The following CCBE1 variants were observed in gnomAD, a reference collection of about 807,000 sequenced individuals.
CCBE1 encodes collagen and calcium binding EGF domains 1, also known as collagen and calcium-binding EGF domain-containing protein 1.
CCBE1 carries 37 observed loss-of-function variants against 50.0 expected under a neutral mutation model. That is an observed-to-expected ratio of 0.74 (90% CI 0.57 to 0.97). The LOEUF (loss-of-function observed/expected upper bound fraction) is 0.97, where lower values mean the gene tolerates loss of function less well. CCBE1 is among the 50% of genes least tolerant of loss of function. CCBE1 has a pLI of 0.00. For synonymous variants in CCBE1, 234 were observed against 203.7 expected, an observed-to-expected ratio of 1.15 and a Z score of -1.27; for missense variants, 538 against 523.8, an observed-to-expected ratio of 1.03 and a Z score of -0.26.
At chr18:59,567,171 T>A (rs2052843490) in intron 2 of CCBE1, among the ~76,000 whole-genome samples, 1 of 152,156 alleles carries the variant, frequency 6.6e-6, no homozygotes, top group Non-Finnish European at 1.5e-5. Flanking sequence ...AAGGCTGGAG[T>A]GCAGTGGTGT....
chr18:59,697,160 C>G, intron 1 of CCBE1, 52 bp downstream of exon 1: 1 of 1,545,970 alleles, frequency 6.5e-7, no homozygotes, highest in Non-Finnish European at 8.7e-7. Flanking sequence ...CCCCGCGAGC[C>G]GGGCGCGCAT....
chr18:59,516,438 C>T (rs2144312940), intron 2 of CCBE1, among the ~76,000 whole-genome samples: 1 of 152,242 alleles, frequency 6.6e-6, no homozygotes, highest in Non-Finnish European at 1.5e-5. Context: ...ATGAGAAGGG[C>T]CAGCAAATAT....
chr18:59,545,588 G>A (rs1915650274), intron 2 of CCBE1, among the ~76,000 whole-genome samples: 1 of 152,032 alleles, frequency 6.6e-6, no homozygotes, highest in African/African-American at 2.4e-5. Flanking sequence ...CTAGTTTATT[G>A]CAATTACAAA....
intron 2 of CCBE1, among the ~76,000 whole-genome samples, chr18:59,515,674 T>C (rs562237729): frequency 9.8e-4 from 150 of 152,332 alleles, no homozygotes; most frequent in African/African-American, 3.5e-3. Flanking sequence ...GGCTCTATGT[T>C]GCTCCCCTCT....
At chr18:59,576,379 G>A (rs546641774) in intron 2 of CCBE1, among the ~76,000 whole-genome samples, 1 of 152,294 alleles carries the variant, frequency 6.6e-6, no homozygotes, top group Non-Finnish European at 1.5e-5. Flanking sequence ...CATTCAGATG[G>A]CTGTTTTTAA....
chr18:59,543,845 A>AAAAAG lies in CCBE1; in HGVS notation c.213-63608_213-63607insCTTTT, dbSNP rs1482088881. 9.6e-4 allele frequency among the ~76,000 whole-genome samples: 141 copies of AAAAAG among 147,034 alleles called. 2 individuals carry two copies. Among genetic ancestry groups the AAAAAG allele is most frequent in the Middle Eastern group, 3.5e-3 (1 of 288 alleles). On this transcript the variant is annotated intron_variant, in intron 2 of 10. Coordinates refer to ENST00000439986, the MANE Select transcript of CCBE1 (RefSeq NM_133459.4). ...GCGAGACTCCGTCTCAAAAAAAAAA[A>AAAAAG]AAAAAAAAAAAAACAGAAAACACTA...
chr18:59,504,380 CTTCCT>C (rs1913770683), intron 2 of CCBE1, among the ~76,000 whole-genome samples: 1 of 117,376 alleles, frequency 8.5e-6, no homozygotes, highest in African/African-American at 3.7e-5. Context: ...CCTAGAATGT[CTTCCT>C]TTTTTTTTTT....
At position 59,548,071 on chromosome 18, in the gene CCBE1, G is replaced by T. The variant is rs112887737; in HGVS notation, c.213-67833C>A. Among the ~76,000 whole-genome samples, 894 of 152,310 alleles carry T rather than the reference G, an allele frequency of 5.9e-3. 13 individuals carry two copies. Among genetic ancestry groups the T allele is most frequent in the African/African-American group, 0.021 (856 of 41,556 alleles). ...TGGTCACAGTGCCATCACGTGATGTGAACTATCTGCTGGATGAAATGTTCA... is the reference window on the plus strand; with the variant it reads ...TGGTCACAGTGCCATCACGTGATGTTAACTATCTGCTGGATGAAATGTTCA... On this transcript the variant is annotated intron_variant, in intron 2 of 10. Coordinates refer to ENST00000439986, the MANE Select transcript of CCBE1 (RefSeq NM_133459.4).
intron 2 of CCBE1, among the ~76,000 whole-genome samples, chr18:59,527,460 C>T (rs1012691401): frequency 4.6e-5 from 7 of 152,114 alleles, no homozygotes; most frequent in African/African-American, 1.4e-4. Flanking sequence ...GCTTGCCATT[C>T]TGTGTCTTTT....
At chr18:59,456,866 T>C (rs545893191) in intron 5 of CCBE1, among the ~76,000 whole-genome samples, 37 of 152,314 alleles carry the variant, frequency 2.4e-4, no homozygotes, top group Middle Eastern at 3.4e-3. Context: ...ACTGTGCACC[T>C]TCAGCACAGC....
chr18:59,683,257 C>T (rs1234003895), intron 2 of CCBE1, among the ~76,000 whole-genome samples: 1 of 152,320 alleles, frequency 6.6e-6, no homozygotes, highest in South Asian at 2.1e-4. Context: ...GCAGACATCA[C>T]CTCAATGACA....
intron 2 of CCBE1, among the ~76,000 whole-genome samples, chr18:59,504,317 C>T (rs998880433): frequency 6.6e-6 from 1 of 151,952 alleles, no homozygotes; most frequent in African/African-American, 2.4e-5. Flanking sequence ...TTTATTCCAC[C>T]CAAAAGTATT....
chr18:59,657,044 G>C (rs2054200609), intron 2 of CCBE1, among the ~76,000 whole-genome samples: 1 of 152,232 alleles, frequency 6.6e-6, no homozygotes, highest in South Asian at 2.1e-4. Flanking sequence ...TCCACCCTTT[G>C]TCTTTCACAG....
intron 2 of CCBE1, among the ~76,000 whole-genome samples, chr18:59,521,403 T>A (rs188686640): frequency 6.6e-6 from 1 of 152,250 alleles, no homozygotes; most frequent in African/African-American, 2.4e-5. Flanking sequence ...TGATTCTGGA[T>A]TGAACACATT....
At chr18:59,454,668 C>T (rs1598913660) in intron 6 of CCBE1, among the ~76,000 whole-genome samples, 183 bp downstream of exon 6, 1 of 152,366 alleles carries the variant, frequency 6.6e-6, no homozygotes, top group East Asian at 1.9e-4. Context: ...ATCATTGTGT[C>T]CTGATGCCCC....
rs967162230 is a variant in CCBE1, at chr18:59,479,279, T to C, written c.265+907A>G. 5.3e-5 allele frequency among the ~76,000 whole-genome samples: 8 copies of C among 152,196 alleles called. No individual in the cohort carries two copies. The East Asian group carries it at 1.5e-3, about 29-fold the overall frequency. On this transcript the variant is annotated intron_variant, in intron 3 of 10. Coordinates refer to ENST00000439986, the MANE Select transcript of CCBE1 (RefSeq NM_133459.4). Reference sequence around the variant, plus strand: ...CTGCCTGGAACCCTCTGTAGCCCTCTACTTTCTACTTGTTTAAGTCCTGGG... The same window carrying C: ...CTGCCTGGAACCCTCTGTAGCCCTCCACTTTCTACTTGTTTAAGTCCTGGG...
chr18:59,638,807 T>C (rs2053947361), intron 2 of CCBE1, among the ~76,000 whole-genome samples: 1 of 152,118 alleles, frequency 6.6e-6, no homozygotes, highest in Non-Finnish European at 1.5e-5. Flanking sequence ...AATATTAAAA[T>C]TAGGTTTTCG....
intron 2 of CCBE1, among the ~76,000 whole-genome samples, chr18:59,559,674 G>C (rs1255841562): frequency 6.6e-6 from 1 of 152,224 alleles, no homozygotes. Context: ...TGTGGACTTG[G>C]GAATCTACTG....
intron 3 of CCBE1, among the ~76,000 whole-genome samples, chr18:59,472,710 G>A (rs779095149): frequency 1.3e-5 from 2 of 152,190 alleles, no homozygotes; most frequent in Non-Finnish European, 2.9e-5. Context: ...TCTCTCTTTT[G>A]TTGGATTCCT....
Sources: allele counts gnomAD v4.1 joint callset (sites outside exome capture counted in the v4.1 genomes callset), GRCh38; gene constraint gnomAD v4.1.1; transcripts MANE v1.5; gene names NCBI Gene and HGNC (gene_info 2026-07-23, HGNC 2026-07-21).